Variants in MAP1LC3B observed in about 807,000 individuals in gnomAD.
The protein encoded by MAP1LC3B is microtubule associated protein 1 light chain 3 beta.
In MAP1LC3B, 12 loss-of-function variants were observed where a neutral mutation model predicts 16.7. That is an observed-to-expected ratio of 0.72 (90% CI 0.46 to 1.16). The LOEUF is 1.16. MAP1LC3B is among the 50% of genes most tolerant of loss of function. MAP1LC3B has a pLI of 0.00. For missense variants in MAP1LC3B, 155 were observed against 159.5 expected (o/e 0.97, Z 0.15); for synonymous variants, 63 against 56.5 (o/e 1.11, Z -0.51).
chr16:87,401,894 G>A (rs577157302), intron 2 of MAP1LC3B, among the ~76,000 whole-genome samples: 23 of 151,674 alleles, frequency 1.5e-4, no homozygotes, highest in Admixed American at 9.2e-4. Context: ...GTGCGGTGGC[G>A]CGATCTCGGC....
At chr16:87,393,598 A>G (rs1289640755) in intron 1 of MAP1LC3B, among the ~76,000 whole-genome samples, 1 of 152,212 alleles carries the variant, frequency 6.6e-6, no homozygotes, top group Admixed American at 6.5e-5. Flanking sequence ...ATCTTTTCAG[A>G]CAGCCTCTTG....
chr16:87,403,200 A>G lies in MAP1LC3B; in HGVS notation c.*103A>G. 2.8e-6 allele frequency: 4 copies of G among 1,436,840 alleles called. No individual in the cohort carries two copies. In the East Asian group the frequency reaches 9.2e-5, roughly 33 times the overall value. 89.0% of individuals were successfully genotyped at this position (1,436,840 alleles called of 1,614,324 possible). A position where few individuals can be genotyped will look rare whatever the true frequency, so the allele number is the denominator to read the frequency against. On this transcript the variant is annotated 3_prime_UTR_variant, in exon 4 of 4. Transcript: ENST00000268607. ...CGATCAGTTCATCCAATCACAGATCATGAAACAGTAGTGTTCCCACCTAGG... is the reference window on the plus strand; with the variant it reads ...CGATCAGTTCATCCAATCACAGATCGTGAAACAGTAGTGTTCCCACCTAGG...
Position 87,399,050 on chromosome 16 carries a change from G to C in MAP1LC3B, c.96+180G>C, listed in dbSNP as rs1200010790. The stretch of plus-strand genomic sequence containing the variant: ...AGACAGGGTCTCACTCTCTTTCCCA[G>C]GCTGGAGTGCAGTGGTGCGATCGTA... On this transcript the variant is annotated intron_variant, in intron 2 of 3. Coordinates refer to ENST00000268607, the MANE Select transcript of MAP1LC3B (RefSeq NM_022818.5). The C allele has an allele frequency of 1.5e-5, 9 of 595,598 alleles. No individual in the cohort carries two copies. In the East Asian group the frequency reaches 2.6e-4, roughly 17 times the overall value. 36.9% of individuals were successfully genotyped at this position (595,598 alleles called of 1,614,324 possible).
intron 1 of MAP1LC3B, among the ~76,000 whole-genome samples, chr16:87,395,754 T>C (rs531064682): frequency 6.6e-6 from 1 of 152,270 alleles, no homozygotes; most frequent in African/African-American, 2.4e-5. Context: ...TTTTTGTCTT[T>C]TTAGGTCGTG....
At chr16:87,398,141 G>A (rs1478854550) in intron 1 of MAP1LC3B, among the ~76,000 whole-genome samples, 1 of 151,962 alleles carries the variant, frequency 6.6e-6, no homozygotes, top group Non-Finnish European at 1.5e-5. Context: ...TCCTGCCTCA[G>A]CCTCCCGAGT....
rs1355405976 is a variant in MAP1LC3B, at chr16:87,392,438, A to T, written c.11A>T (p.Glu4Val). The T allele has an allele frequency of 7.1e-7, 1 of 1,417,214 alleles. No homozygotes were observed. The highest frequency in any genetic ancestry group is 9.1e-7 in the Non-Finnish European group (1 of 1,095,030). 87.8% of individuals were successfully genotyped at this position (1,417,214 alleles called of 1,614,324 possible). A position where few individuals can be genotyped will look rare whatever the true frequency, so the allele number is the denominator to read the frequency against. ...CCAGATCCCTGCACCATGCCGTCGG[A>T]GAAGACCTTCAAGCAGCGCCGCACC... Reference protein sequence around the residue: MPSEKTFKQRRTFE... With the variant: MPSVKTFKQRRTFE... Residue 4 changes from glutamate to valine, a missense_variant, in exon 1 of 4, where the codon GAG (glutamate) becomes GTG (valine). By Grantham distance (121) the Glu-to-Val change is moderately radical. Transcript: ENST00000268607.
chr16:87,397,899 C>T (rs1907861240), intron 1 of MAP1LC3B, among the ~76,000 whole-genome samples: 1 of 149,298 alleles, frequency 6.7e-6, no homozygotes. Flanking sequence ...TAAATGACTT[C>T]TCTCTAACTG....
chr16:87,399,734 T>TG, intron 2 of MAP1LC3B: 1 of 373,842 alleles, frequency 2.7e-6, no homozygotes, highest in Non-Finnish European at 5.3e-6. Context: ...TTTTGCTCCA[T>TG]GGAAAGGAAG....
intron 2 of MAP1LC3B, 76 bp downstream of exon 2, chr16:87,398,946 G>C (rs886731280): frequency 1.3e-5 from 17 of 1,326,498 alleles, no homozygotes; most frequent in Non-Finnish European, 1.5e-5. Flanking sequence ...TCCACTTGAC[G>C]GGTTTTTACA....
In MAP1LC3B at chr16:87,392,358, C is replaced by A. The variant is rs893180920; in HGVS notation, c.-70C>A. The A allele has an allele frequency of 7.4e-7, 1 of 1,353,916 alleles. No individual in the cohort carries two copies. The allele number at this position is 1,353,916 out of a possible 1,614,324, so 83.9% of individuals were successfully genotyped here. On this transcript the variant is annotated 5_prime_UTR_variant, in exon 1 of 4. Transcript: ENST00000268607. ...GCCAGAGTCGGATTCGCCGCCGCAG[C>A]AGCCGCCGCCCCCGGGAGCCGCCGG... is the stretch of plus-strand genomic sequence containing the variant.
At chr16:87,402,094 CA>C in intron 2 of MAP1LC3B, 80 bp from the exon 3 acceptor site, 1 of 1,445,860 alleles carries the variant, frequency 6.9e-7, no homozygotes, top group Non-Finnish European at 9.6e-7. Context: ...CTCGGCCTCC[CA>C]AAATGCTGGG....
chr16:87,392,580 G>A, intron 1 of MAP1LC3B, 113 bp downstream of exon 1: 2 of 1,042,958 alleles, frequency 1.9e-6, no homozygotes, highest in South Asian at 9.5e-5. Context: ...GGCCGAGCGG[G>A]GCCGGTGGCT....
Position 87,404,273 on chromosome 16 carries a change from A to C in MAP1LC3B, c.*1176A>C, listed in dbSNP as rs1228946710. ...GCTTCCCAGTACTTGCATGGGGTTC[A>C]CTATTTATAGTTTTCTTGGGAGTAT... On this transcript the variant is annotated 3_prime_UTR_variant, in exon 4 of 4. Coordinates refer to ENST00000268607, the MANE Select transcript of MAP1LC3B (RefSeq NM_022818.5). The C allele has an allele frequency of 1.3e-5, 2 of 152,112 alleles. No homozygotes were observed. Among genetic ancestry groups the C allele is most frequent in the East Asian group, 1.9e-4 (1 of 5,200 alleles). The allele number at this position is 152,112 out of a possible 1,614,324, so 9.4% of individuals were successfully genotyped here. A position where few individuals can be genotyped will look rare whatever the true frequency, so the allele number is the denominator to read the frequency against.
At chr16:87,397,881 T>C (rs1044259288) in intron 1 of MAP1LC3B, among the ~76,000 whole-genome samples, 4 of 151,988 alleles carry the variant, frequency 2.6e-5, no homozygotes, top group South Asian at 2.1e-4. Context: ...AACACACATA[T>C]TGCTTTGTAA....
rs2150714646 is a variant in MAP1LC3B, at chr16:87,404,019, T to C, written c.*922T>C. 1 of 152,228 alleles carries C rather than the reference T, an allele frequency of 6.6e-6. No homozygotes were observed. The highest frequency in any genetic ancestry group is 2.1e-4 in the South Asian group (1 of 4,818). 9.4% of individuals were successfully genotyped at this position (152,228 alleles called of 1,614,324 possible). ...CCTTCCGGCTTAAAGCTGTGGATGA[T>C]CCACGTTTTTGTTTTTTTAATGTTA... On this transcript the variant is annotated 3_prime_UTR_variant, in exon 4 of 4. Transcript: ENST00000268607.
intron 1 of MAP1LC3B, among the ~76,000 whole-genome samples, chr16:87,398,253 C>G (rs1397916717): frequency 1.3e-5 from 2 of 152,158 alleles, no homozygotes; most frequent in African/African-American, 4.8e-5. Flanking sequence ...GTCTCGAACT[C>G]CTGACCTCAA....
At chr16:87,392,655 G>T (rs1907630248) in intron 1 of MAP1LC3B, 188 bp downstream of exon 1, 3 of 338,486 alleles carry the variant, frequency 8.9e-6, no homozygotes, top group Non-Finnish European at 1.3e-5. Context: ...CCGGGACCGA[G>T]CCGGGAGGGC....
rs1054528 is a variant in MAP1LC3B, at chr16:87,403,158, A to G, written c.*61A>G. 0.92 allele frequency: 1,422,263 copies of G among 1,553,896 alleles called. 663,332 individuals are homozygous for G. Among genetic ancestry groups the G allele is most frequent in the East Asian group, 1 (44,471 of 44,482 alleles). On this transcript the variant is annotated 3_prime_UTR_variant, in exon 4 of 4. Coordinates refer to ENST00000268607, the MANE Select transcript of MAP1LC3B (RefSeq NM_022818.5). ...AACCCTTACCAAGGAAAAAAAAGGG[A>G]TGTTACCAACTGAGATCGATCAGTT...
At chr16:87,392,910 A>G (rs1012101331) in intron 1 of MAP1LC3B, 8 of 151,830 alleles carry the variant, frequency 5.3e-5, no homozygotes, top group Non-Finnish European at 7.4e-5. Context: ...TCGGCTCTGA[A>G]GCGGGGCTGC....
Sources: gnomAD v4.1 joint callset for allele counts (sites outside exome capture counted in the v4.1 genomes callset) on GRCh38, gnomAD v4.1.1 for gene constraint, MANE v1.5 for transcripts, NCBI Gene and HGNC (gene_info 2026-07-23, HGNC 2026-07-21) for gene names.